The following MAGI2 variants were observed in gnomAD, a reference collection of about 807,000 sequenced individuals.
The protein encoded by MAGI2 is membrane-associated guanylate kinase, WW and PDZ domain-containing protein 2.
A neutral mutation model predicts 133.3 loss-of-function variants in MAGI2; 35 were observed. That is an observed-to-expected ratio of 0.26 (90% confidence interval 0.20 to 0.35). MAGI2 has a LOEUF of 0.35. Among genes scored for constraint, MAGI2 ranks in the 10% least tolerant of loss-of-function variants. The pLI is 1.00. For missense variants in MAGI2, 1,636 were observed against 1,863.4 expected (o/e 0.88, Z 2.25); for synonymous variants, 729 against 710.6 (o/e 1.03, Z -0.41).
chr7:78,396,901 C>T (rs1024632762), intron 6 of MAGI2, among the ~76,000 whole-genome samples: 3 of 152,028 alleles, frequency 2.0e-5, no homozygotes, highest in African/African-American at 4.8e-5. Flanking sequence ...AATATCGGGT[C>T]GAGTGGTGCC....
intron 2 of MAGI2, among the ~76,000 whole-genome samples, chr7:78,874,863 C>A (rs768730747): frequency 6.6e-6 from 1 of 152,100 alleles, no homozygotes; most frequent in African/African-American, 2.4e-5. Flanking sequence ...TAACAAGTAT[C>A]AAAACCTCAC....
intron 1 of MAGI2, among the ~76,000 whole-genome samples, chr7:79,300,246 T>A (rs1351837893): frequency 1.3e-5 from 2 of 152,162 alleles, no homozygotes; most frequent in African/African-American, 4.8e-5. Context: ...AGTTTGATAT[T>A]TCTTGGAAAC....
At chr7:78,137,926 GATAATATATGTGTGTATATATATGT>G (rs1403663620) in intron 16 of MAGI2, among the ~76,000 whole-genome samples, 1 of 40,518 alleles carries the variant, frequency 2.5e-5, no homozygotes, top group East Asian at 4.5e-4. Context: ...TGTGCTAAGT[GATAATATATGTGTGTATATATATGT>G]ATATATATGT....
intron 6 of MAGI2, among the ~76,000 whole-genome samples, chr7:78,375,386 T>C (rs1464493074): frequency 1.3e-5 from 2 of 151,974 alleles, no homozygotes; most frequent in Non-Finnish European, 2.9e-5. Flanking sequence ...CCACAAAGCA[T>C]TGGTTATGTA....
At chr7:78,650,182 T>TGATA (rs908076891) in intron 2 of MAGI2, among the ~76,000 whole-genome samples, 1 of 152,180 alleles carries the variant, frequency 6.6e-6, no homozygotes, top group African/African-American at 2.4e-5. Flanking sequence ...CCGCAAGCAC[T>TGATA]GATACTACAT....
At chr7:78,849,652 G>T (rs1792959842) in intron 2 of MAGI2, among the ~76,000 whole-genome samples, 1 of 152,056 alleles carries the variant, frequency 6.6e-6, no homozygotes, top group South Asian at 2.1e-4. Context: ...TAAGGAAAAG[G>T]TGAAGAGATT....
intron 2 of MAGI2, among the ~76,000 whole-genome samples, chr7:78,923,868 A>G (rs139807120): frequency 3.3e-5 from 5 of 151,832 alleles, no homozygotes; most frequent in African/African-American, 9.7e-5. Context: ...CTTTTATTTC[A>G]TTGAGCAGTG....
At chr7:78,988,542 T>G (rs966056037) in intron 2 of MAGI2, among the ~76,000 whole-genome samples, 2 of 152,102 alleles carry the variant, frequency 1.3e-5, no homozygotes, top group Non-Finnish European at 2.9e-5. Flanking sequence ...AATCTTGCAA[T>G]TAAACCCATT....
intron 2 of MAGI2, among the ~76,000 whole-genome samples, chr7:78,688,657 C>T (rs1269294630): frequency 2.6e-5 from 4 of 152,018 alleles, no homozygotes; most frequent in Admixed American, 6.6e-5. Context: ...TTTATCAGTG[C>T]GAGGTGGAAA....
intron 2 of MAGI2, among the ~76,000 whole-genome samples, chr7:78,967,758 T>A (rs573010770): frequency 6.6e-6 from 1 of 152,086 alleles, no homozygotes; most frequent in African/African-American, 2.4e-5. Flanking sequence ...GTTTATTATA[T>A]ACGCATGGCT....
chr7:78,870,634 G>A (rs1343963569), intron 2 of MAGI2, among the ~76,000 whole-genome samples: 2 of 152,142 alleles, frequency 1.3e-5, no homozygotes, highest in African/African-American at 4.8e-5. Context: ...ATGGAAAACA[G>A]TATGGAGATT....
chr7:78,033,491 A>AAAG, intron 21 of MAGI2, among the ~76,000 whole-genome samples: 1 of 150,966 alleles, frequency 6.6e-6, no homozygotes, highest in Admixed American at 6.6e-5. Flanking sequence ...AAAAAAAAAA[A>AAAG]AGAAAAAAGA....
chr7:78,976,428 T>C (rs1164782859), intron 2 of MAGI2, among the ~76,000 whole-genome samples: 2 of 151,236 alleles, frequency 1.3e-5, no homozygotes, highest in African/African-American at 4.9e-5. Context: ...TTTCTTTAGC[T>C]TGGTACAGAA....
chr7:78,682,558 T>C (rs560105999), intron 2 of MAGI2, among the ~76,000 whole-genome samples: 1 of 152,294 alleles, frequency 6.6e-6, no homozygotes, highest in African/African-American at 2.4e-5. Flanking sequence ...CTCATCCTTT[T>C]TTTGTGTGGC....
At chr7:78,161,247 AG>A (rs1192238031) in intron 15 of MAGI2, among the ~76,000 whole-genome samples, 1 of 152,222 alleles carries the variant, frequency 6.6e-6, no homozygotes, top group Non-Finnish European at 1.5e-5. Flanking sequence ...GGCAGCCAAA[AG>A]AAGCTAGTTT....
chr7:78,432,203 C>G (rs1405313947), intron 6 of MAGI2, among the ~76,000 whole-genome samples: 1 of 150,060 alleles, frequency 6.7e-6, no homozygotes, highest in South Asian at 2.1e-4. Context: ...CCAGTGCAGG[C>G]CTTACAAAAA....
chr7:78,388,234 T>A (rs1795579926), intron 6 of MAGI2, among the ~76,000 whole-genome samples: 1 of 152,058 alleles, frequency 6.6e-6, no homozygotes, highest in Non-Finnish European at 1.5e-5. Context: ...GAGTAGGTAC[T>A]GCTATGATTA....
At chr7:79,405,282 C>T (rs959295164) in intron 1 of MAGI2, among the ~76,000 whole-genome samples, 2 of 152,040 alleles carry the variant, frequency 1.3e-5, no homozygotes, top group Non-Finnish European at 2.9e-5. Context: ...TAGGGGTTAG[C>T]GTGAAGGAGG....
rs151080166 is a variant in MAGI2 at position 78,168,729 on chromosome 7, G to A, written c.2404-621C>T. On this transcript the variant is annotated intron_variant, in intron 14 of 21. Coordinates refer to ENST00000354212, the MANE Select transcript of MAGI2 (RefSeq NM_012301.4). Reference sequence around the variant, plus strand: ...ATGTGAAGCATTTAACTTTTTTCACGGCACTTAACGAGGGATCAAAAAGAC... The same window carrying A: ...ATGTGAAGCATTTAACTTTTTTCACAGCACTTAACGAGGGATCAAAAAGAC... 7.3e-4 allele frequency among the ~76,000 whole-genome samples: 111 copies of A among 152,218 alleles called. 1 individual carries two copies. Among genetic ancestry groups the A allele is most frequent in the African/African-American group, 2.5e-3 (102 of 41,518 alleles).
Sources: gnomAD v4.1 joint callset for allele counts (sites outside exome capture counted in the v4.1 genomes callset) on GRCh38, gnomAD v4.1.1 for gene constraint, MANE v1.5 for transcripts, NCBI Gene and HGNC (gene_info 2026-07-23, HGNC 2026-07-21) for gene names.